Variants in SPMAP2L observed in about 807,000 individuals in gnomAD.
The protein encoded by SPMAP2L is sperm microtubule associated protein 2-like.
the SPMAP2L span, among the ~76,000 whole-genome samples, chr4:56,609,614 G>T: frequency 6.6e-6 from 1 of 152,168 alleles, no homozygotes; most frequent in African/African-American, 2.4e-5. Flanking sequence ...TCCAAAATTC[G>T]TGTTGAAACT....
At chr4:56,584,626 G>A in the SPMAP2L span, 1 of 1,505,056 alleles carries the variant, frequency 6.6e-7, no homozygotes, top group East Asian at 2.5e-5. Flanking sequence ...GTGTGCCCTT[G>A]TGGAAGAAAC....
chr4:56,598,257 G>A, the SPMAP2L span, among the ~76,000 whole-genome samples: 1 of 152,162 alleles, frequency 6.6e-6, no homozygotes, highest in African/African-American at 2.4e-5. Flanking sequence ...AAGGCAATCT[G>A]GTAGATGTGG....
the SPMAP2L span, among the ~76,000 whole-genome samples, chr4:56,612,868 G>C: frequency 6.3e-4 from 96 of 152,058 alleles, no homozygotes; most frequent in Non-Finnish European, 1.3e-3. Flanking sequence ...CGCCCGGCCT[G>C]CTAACCTTTT....
chr4:56,579,122 G>A, the SPMAP2L span, among the ~76,000 whole-genome samples: 3 of 151,956 alleles, frequency 2.0e-5, no homozygotes, highest in African/African-American at 7.3e-5. Context: ...TCTAACACAT[G>A]TCTATGAAAC....
At chr4:56,567,270 TA>T in the SPMAP2L span, among the ~76,000 whole-genome samples, 1 of 151,468 alleles carries the variant, frequency 6.6e-6, no homozygotes, top group East Asian at 1.9e-4. Flanking sequence ...TCTTTAATAA[TA>T]TTTTTTTTTA....
At chr4:56,532,019 C>T in the SPMAP2L span, among the ~76,000 whole-genome samples, 2 of 152,202 alleles carry the variant, frequency 1.3e-5, no homozygotes, top group South Asian at 4.1e-4. Context: ...TCCATCTACT[C>T]GCTTCCTACA....
the SPMAP2L span, among the ~76,000 whole-genome samples, chr4:56,568,656 T>C: frequency 2.0e-5 from 3 of 152,092 alleles, no homozygotes; most frequent in African/African-American, 7.2e-5. Flanking sequence ...TGAGACCCCA[T>C]CTCTGTACTG....
At chr4:56,555,187 C>T in the SPMAP2L span, among the ~76,000 whole-genome samples, 1 of 152,156 alleles carries the variant, frequency 6.6e-6, no homozygotes, top group Non-Finnish European at 1.5e-5. Context: ...GATCTGCCTA[C>T]CTCAGCCTCC....
At chr4:56,595,046 T>C in the SPMAP2L span, 1 of 1,610,072 alleles carries the variant, frequency 6.2e-7, no homozygotes, top group Non-Finnish European at 8.5e-7. Context: ...GCCTGTCCTG[T>C]GGGAACCGTC....
chr4:56,575,635 C>A, the SPMAP2L span: 9 of 1,535,148 alleles, frequency 5.9e-6, no homozygotes, highest in East Asian at 2.2e-4. Flanking sequence ...ACAGTGTCTA[C>A]TAAATAGGTA....
chr4:56,571,031 T>C, the SPMAP2L span, among the ~76,000 whole-genome samples: 3 of 151,958 alleles, frequency 2.0e-5, no homozygotes, highest in Non-Finnish European at 4.4e-5. Context: ...CTGGAACTCC[T>C]GAGCTCAGGT....
the SPMAP2L span, among the ~76,000 whole-genome samples, chr4:56,561,318 A>G: frequency 6.6e-6 from 1 of 152,172 alleles, no homozygotes; most frequent in Non-Finnish European, 1.5e-5. Flanking sequence ...TTACTATTAA[A>G]TTTAATTCAG....
the SPMAP2L span, among the ~76,000 whole-genome samples, chr4:56,608,692 C>T: frequency 1.3e-5 from 2 of 152,168 alleles, no homozygotes; most frequent in African/African-American, 4.8e-5. Flanking sequence ...CCCACTAAGA[C>T]AGTGTCTAAT....
the SPMAP2L span, among the ~76,000 whole-genome samples, chr4:56,612,592 C>CAG: frequency 0.48 from 71,863 of 150,518 alleles, 18,079 homozygotes; most frequent in East Asian, 0.64. Context: ...TTTTTCAAGA[C>CAG]AGTCTCACTC....
At chr4:56,576,125 G>T in the SPMAP2L span, among the ~76,000 whole-genome samples, 4 of 152,172 alleles carry the variant, frequency 2.6e-5, no homozygotes, top group Non-Finnish European at 5.9e-5. Context: ...GTGTACAGTT[G>T]TGGAGAGGTG....
At chr4:56,589,434 A>G in the SPMAP2L span, among the ~76,000 whole-genome samples, 2 of 152,124 alleles carry the variant, frequency 1.3e-5, no homozygotes, top group Admixed American at 1.3e-4. Context: ...TTGGTTCCAT[A>G]TGAATTTTAG....
the SPMAP2L span, among the ~76,000 whole-genome samples, chr4:56,583,551 A>T: frequency 6.6e-6 from 1 of 152,156 alleles, no homozygotes; most frequent in South Asian, 2.1e-4. Flanking sequence ...GAGAAAAAAA[A>T]TTTTCCATAT....
the SPMAP2L span, among the ~76,000 whole-genome samples, chr4:56,531,342 C>T: frequency 2.0e-5 from 3 of 152,312 alleles, no homozygotes; most frequent in African/African-American, 7.2e-5. Flanking sequence ...TCGCAGTCAT[C>T]AGCCCTTGCG....
the SPMAP2L span, among the ~76,000 whole-genome samples, chr4:56,588,286 G>A: frequency 6.6e-6 from 1 of 152,046 alleles, no homozygotes; most frequent in South Asian, 2.1e-4. Context: ...TCTGCTGACT[G>A]TTCTTTTGCT....
Sources: gnomAD v4.1 joint callset for allele counts (sites outside exome capture counted in the v4.1 genomes callset) on GRCh38, gnomAD v4.1.1 for gene constraint, MANE v1.5 for transcripts, NCBI Gene and HGNC (gene_info 2026-07-23, HGNC 2026-07-21) for gene names.